The following TENM2 variants were observed in gnomAD, a reference collection of about 807,000 sequenced individuals.
The protein encoded by TENM2 is teneurin transmembrane protein 2.
Under a neutral mutation model 245.2 loss-of-function variants are expected in TENM2, and 52 were observed. The observed-to-expected ratio is 0.21, with a 90% CI of 0.17 to 0.27. TENM2 has a LOEUF of 0.27. TENM2 is among the 10% of genes least tolerant of loss of function. The pLI is 1.00. For missense variants in TENM2, 3,046 were observed against 3,666.8 expected (o/e 0.83, Z 4.37); for synonymous variants, 1,363 against 1,438.9 (o/e 0.95, Z 1.19).
chr5:167,167,215 G>A, the TENM2 span, among the ~76,000 whole-genome samples: 1 of 152,048 alleles, frequency 6.6e-6, no homozygotes, highest in Non-Finnish European at 1.5e-5. Context: ...GACAAACCAG[G>A]GTGTCTTCAA....
At chr5:168,148,965 C>T (rs532246215) in intron 12 of TENM2, among the ~76,000 whole-genome samples, 4 of 151,920 alleles carry the variant, frequency 2.6e-5, no homozygotes, top group Non-Finnish European at 4.4e-5. Context: ...GTGTCCCATT[C>T]GGGTGGGTCA....
intron 2 of TENM2, among the ~76,000 whole-genome samples, chr5:167,630,463 A>T (rs1017979418): frequency 2.0e-5 from 3 of 152,214 alleles, no homozygotes; most frequent in Admixed American, 1.3e-4. Flanking sequence ...ACACAATTTA[A>T]AGCTTATAAA....
chr5:167,494,661 T>C (rs1186540324), intron 2 of TENM2, among the ~76,000 whole-genome samples: 3 of 152,140 alleles, frequency 2.0e-5, no homozygotes, highest in Admixed American at 2.0e-4. Context: ...AAAAGGACTA[T>C]AATTTCAAGT....
At chr5:168,102,883 ATT>A (rs913241129) in intron 9 of TENM2, among the ~76,000 whole-genome samples, 1 of 152,002 alleles carries the variant, frequency 6.6e-6, no homozygotes, top group South Asian at 2.1e-4. Context: ...GGTAAATTCT[ATT>A]TTTTTTAATT....
chr5:167,699,135 T>C (rs1414530254), intron 2 of TENM2, among the ~76,000 whole-genome samples: 2 of 152,074 alleles, frequency 1.3e-5, no homozygotes, highest in Non-Finnish European at 2.9e-5. Flanking sequence ...TAAAAAGAAA[T>C]ATATATGACT....
the TENM2 span, among the ~76,000 whole-genome samples, chr5:167,094,798 A>C: frequency 3.3e-5 from 5 of 152,312 alleles, no homozygotes; most frequent in East Asian, 9.6e-4. Flanking sequence ...AAATTTGATA[A>C]GTTAGTGGAT....
At chr5:167,709,072 C>G (rs999860684) in intron 2 of TENM2, among the ~76,000 whole-genome samples, 3 of 152,084 alleles carry the variant, frequency 2.0e-5, no homozygotes, top group Non-Finnish European at 4.4e-5. Context: ...CATCTAAATC[C>G]AAGTATAGTC....
chr5:167,039,994 G>A, the TENM2 span, among the ~76,000 whole-genome samples: 3 of 152,102 alleles, frequency 2.0e-5, no homozygotes, highest in Non-Finnish European at 2.9e-5. Context: ...ATTTACAATA[G>A]GCTTGTATCT....
chr5:167,659,108 T>C (rs965318595), intron 2 of TENM2, among the ~76,000 whole-genome samples: 1 of 152,304 alleles, frequency 6.6e-6, no homozygotes, highest in Admixed American at 6.5e-5. Context: ...CAAAATACTG[T>C]GACAGTAAGC....
At chr5:167,936,492 GT>G (rs1778727377) in intron 3 of TENM2, among the ~76,000 whole-genome samples, 1 of 152,134 alleles carries the variant, frequency 6.6e-6, no homozygotes. Context: ...GATTTACCAA[GT>G]TTTCAGGCTG....
intron 2 of TENM2, among the ~76,000 whole-genome samples, chr5:167,428,383 A>G (rs368495295): frequency 1.1e-4 from 17 of 152,314 alleles, no homozygotes; most frequent in South Asian, 4.1e-4. Flanking sequence ...TGAAATTCTT[A>G]AAGACTGCTA....
At chr5:167,095,690 A>G in the TENM2 span, among the ~76,000 whole-genome samples, 33 of 152,076 alleles carry the variant, frequency 2.2e-4, no homozygotes, top group African/African-American at 8.0e-4. Flanking sequence ...GTTCAGTTTG[A>G]GTTTTGACAT....
chr5:168,110,841 C>T (rs769226348), intron 9 of TENM2, among the ~76,000 whole-genome samples: 4 of 152,174 alleles, frequency 2.6e-5, no homozygotes, highest in African/African-American at 7.2e-5. Context: ...AGCTTAAGTA[C>T]TTATCGATTG....
chr5:167,715,165 T>TCAATGGA (rs144902335), intron 2 of TENM2, among the ~76,000 whole-genome samples: 4,674 of 152,074 alleles, frequency 0.031, 161 homozygotes, highest in East Asian at 0.13. Flanking sequence ...GAGTACATAA[T>TCAATGGA]CAATGGACAA....
intron 2 of TENM2, among the ~76,000 whole-genome samples, chr5:167,619,703 AATGC>A (rs1465922818): frequency 6.6e-6 from 1 of 152,160 alleles, no homozygotes; most frequent in Non-Finnish European, 1.5e-5. Context: ...AGATATACTT[AATGC>A]ATGCAATGTT....
At chr5:168,239,181 C>T (rs983733409) in intron 25 of TENM2, among the ~76,000 whole-genome samples, 10 of 152,208 alleles carry the variant, frequency 6.6e-5, no homozygotes, top group Admixed American at 4.6e-4. Context: ...CACCCACAGC[C>T]GGGGCACCCC....
chr5:167,074,704 C>T, the TENM2 span, among the ~76,000 whole-genome samples: 63 of 152,200 alleles, frequency 4.1e-4, no homozygotes, highest in African/African-American at 1.4e-3. Context: ...TTCCACATTC[C>T]TCTTGCTGGC....
chr5:167,233,987 C>G, the TENM2 span, among the ~76,000 whole-genome samples: 1 of 151,530 alleles, frequency 6.6e-6, no homozygotes, highest in Non-Finnish European at 1.5e-5. Flanking sequence ...GGTAAAAATC[C>G]ATGAAAACAC....
chr5:168,071,680 C>T (rs1791023261), intron 7 of TENM2, among the ~76,000 whole-genome samples: 2 of 152,092 alleles, frequency 1.3e-5, no homozygotes, highest in South Asian at 4.1e-4. Context: ...AGTAAACATT[C>T]TTTCAGGTCT....
Sources: allele counts gnomAD v4.1 joint callset (sites outside exome capture counted in the v4.1 genomes callset), GRCh38; gene constraint gnomAD v4.1.1; transcripts MANE v1.5; gene names NCBI Gene and HGNC (gene_info 2026-07-23, HGNC 2026-07-21).